SGCG: variants seen among roughly 807,000 people sequenced by gnomAD.
SGCG encodes the protein gamma-sarcoglycan.
Under a neutral mutation model 29.3 loss-of-function variants are expected in SGCG, and 26 were observed. The observed-to-expected ratio is 0.89, with a 90% CI of 0.65 to 1.23. SGCG has a LOEUF of 1.23. SGCG is among the 50% of genes most tolerant of loss of function. SGCG has a pLI of 0.00. For synonymous variants in SGCG, 145 were observed against 129.7 expected (o/e 1.12, Z -0.80); for missense variants, 353 against 356.0 (o/e 0.99, Z 0.07).
intron 4 of SGCG, among the ~76,000 whole-genome samples, chr13:23,264,638 A>G (rs892039559): frequency 1.8e-4 from 27 of 152,318 alleles, no homozygotes; most frequent in African/African-American, 6.3e-4. Flanking sequence ...AAGCAAAAAG[A>G]ATAAATCTAA....
chr13:23,237,787 GA>G (rs1307051499), intron 3 of SGCG, among the ~76,000 whole-genome samples: 1 of 120,262 alleles, frequency 8.3e-6, no homozygotes. Flanking sequence ...TTCATATGAT[GA>G]AATCTTCATC....
chr13:23,287,275 C>A (rs1464021267), intron 5 of SGCG, among the ~76,000 whole-genome samples: 2 of 152,162 alleles, frequency 1.3e-5, no homozygotes, highest in Non-Finnish European at 2.9e-5. Flanking sequence ...AAGAAAAATT[C>A]ACTGCTGTGT....
chr13:23,214,876 G>A (rs1878367637), intron 2 of SGCG, among the ~76,000 whole-genome samples: 2 of 152,114 alleles, frequency 1.3e-5, no homozygotes, highest in African/African-American at 4.8e-5. Flanking sequence ...ATCATTAGAA[G>A]ACAAGATATT....
intron 6 of SGCG, among the ~76,000 whole-genome samples, chr13:23,311,699 G>A (rs1006701304): frequency 6.6e-6 from 1 of 152,190 alleles, no homozygotes; most frequent in Middle Eastern, 3.4e-3. Context: ...TGCGTATTCA[G>A]GATAAAATTA....
At chr13:23,222,317 C>G (rs1878701917) in intron 2 of SGCG, among the ~76,000 whole-genome samples, 1 of 152,324 alleles carries the variant, frequency 6.6e-6, no homozygotes, top group Middle Eastern at 3.4e-3. Context: ...TCTGTGCCCT[C>G]TTTAAGAAAT....
intron 4 of SGCG, among the ~76,000 whole-genome samples, chr13:23,254,487 A>G (rs1272665623): frequency 6.6e-6 from 1 of 152,074 alleles, no homozygotes. Context: ...ATAACCTACA[A>G]TCAGATATAA....
intron 4 of SGCG, chr13:23,267,360 A>T (rs895436444): frequency 6.6e-6 from 1 of 152,224 alleles, no homozygotes; most frequent in Non-Finnish European, 1.5e-5. Flanking sequence ...GGAGATTGAC[A>T]AATTACAACG....
At chr13:23,273,551 C>G (rs1880948504) in intron 4 of SGCG, among the ~76,000 whole-genome samples, 1 of 152,214 alleles carries the variant, frequency 6.6e-6, no homozygotes, top group Non-Finnish European at 1.5e-5. Context: ...GCTTTACATG[C>G]ATGCCACAGA....
intron 6 of SGCG, among the ~76,000 whole-genome samples, chr13:23,311,812 AT>A (rs1388098342): frequency 1.3e-5 from 2 of 152,046 alleles, no homozygotes; most frequent in Non-Finnish European, 2.9e-5. Context: ...TAGAAAATAG[AT>A]TTTTTTCATT....
chr13:23,211,773 T>C (rs1878222420), intron 2 of SGCG, among the ~76,000 whole-genome samples: 1 of 152,190 alleles, frequency 6.6e-6, no homozygotes, highest in Non-Finnish European at 1.5e-5. Flanking sequence ...CAGACAGTTC[T>C]CTCTTGCTTC....
At chr13:23,250,596 A>C (rs1205070408) in intron 3 of SGCG, 34 bp from the exon 4 acceptor site, 1 of 1,034,372 alleles carries the variant, frequency 9.7e-7, no homozygotes, top group Non-Finnish European at 1.5e-6. Context: ...TTTAAACAGC[A>C]CCTATTTTGC....
At chr13:23,219,997 G>A (rs1364144503) in intron 2 of SGCG, among the ~76,000 whole-genome samples, 6 of 62,518 alleles carry the variant, frequency 9.6e-5, no homozygotes, top group African/African-American at 3.1e-4. Flanking sequence ...CACCACGCCC[G>A]GTCAATTTTT....
chr13:23,258,444 T>C (rs1333476805), intron 4 of SGCG, among the ~76,000 whole-genome samples: 1 of 152,172 alleles, frequency 6.6e-6, no homozygotes, highest in Non-Finnish European at 1.5e-5. Context: ...AAGAAGATTT[T>C]GGACTGAGAC....
chr13:23,161,149 A>C, the SGCG span, among the ~76,000 whole-genome samples: 1 of 152,210 alleles, frequency 6.6e-6, no homozygotes, highest in Non-Finnish European at 1.5e-5. Flanking sequence ...GAAGCGCAGC[A>C]GCGGGGCTCT....
chr13:23,181,567 CAA>C (rs753454627), intron 1 of SGCG, among the ~76,000 whole-genome samples: 20 of 152,098 alleles, frequency 1.3e-4, no homozygotes, highest in Admixed American at 6.6e-4. Context: ...ATAAACAAAA[CAA>C]GAGCAAAATA....
chr13:23,216,788 T>C (rs12854432), intron 2 of SGCG, among the ~76,000 whole-genome samples: 26,045 of 152,100 alleles, frequency 0.17, 2,614 homozygotes, highest in Middle Eastern at 0.33. Flanking sequence ...AGTTCTCTGT[T>C]GTTAATTACA....
At chr13:23,173,480 G>C in the SGCG span, among the ~76,000 whole-genome samples, 2 of 152,142 alleles carry the variant, frequency 1.3e-5, no homozygotes, top group Admixed American at 1.3e-4. Context: ...ATTTTCAATG[G>C]CCAACATACT....
chr13:23,315,428 C>T (rs4770430), intron 6 of SGCG, among the ~76,000 whole-genome samples: 28,901 of 152,110 alleles, frequency 0.19, 3,323 homozygotes, highest in Non-Finnish European at 0.25. Context: ...GCTCAAATGC[C>T]CATGGTCTCC....
intron 2 of SGCG, among the ~76,000 whole-genome samples, chr13:23,220,114 T>C (rs1878600645): frequency 6.6e-6 from 1 of 151,882 alleles, no homozygotes; most frequent in Non-Finnish European, 1.5e-5. Context: ...GTGCTGCAAT[T>C]ACAGGGCTGA....
Sources: gnomAD v4.1 joint callset for allele counts (sites outside exome capture counted in the v4.1 genomes callset) on GRCh38, gnomAD v4.1.1 for gene constraint, MANE v1.5 for transcripts, NCBI Gene and HGNC (gene_info 2026-07-23, HGNC 2026-07-21) for gene names.